Variants in BTBD3 observed in about 807,000 individuals in gnomAD.
The protein encoded by BTBD3 is BTB/POZ domain-containing protein 3.
Under a neutral mutation model 41.6 loss-of-function variants are expected in BTBD3, and 14 were observed. The ratio of observed to expected loss-of-function variants is 0.34; its 90% CI spans 0.22 to 0.53. The LOEUF is 0.53. BTBD3 is among the 20% of genes least tolerant of loss of function. The pLI, the probability that BTBD3 is intolerant of heterozygous loss-of-function variation, is 0.95. For missense variants in BTBD3, 426 were observed against 654.7 expected (o/e 0.65, Z 3.81); for synonymous variants, 249 against 233.7 (o/e 1.07, Z -0.60).
chr20:11,908,874 A>G (rs2056872366), intron 1 of BTBD3, among the ~76,000 whole-genome samples: 1 of 152,202 alleles, frequency 6.6e-6, no homozygotes, highest in Non-Finnish European at 1.5e-5. Context: ...GGTTATACCA[A>G]CATTTAAAGT....
At chr20:11,905,327 G>A (rs1220991176) in intron 1 of BTBD3, among the ~76,000 whole-genome samples, 3 of 150,396 alleles carry the variant, frequency 2.0e-5, no homozygotes, top group Non-Finnish European at 4.4e-5. Flanking sequence ...AACACAAATA[G>A]TTGTACACGT....
At chr20:11,892,783 A>G (rs896436468) in intron 1 of BTBD3, among the ~76,000 whole-genome samples, 4 of 152,098 alleles carry the variant, frequency 2.6e-5, no homozygotes, top group Admixed American at 6.6e-5. Context: ...TGTATGCACT[A>G]TTTCTCTAAA....
chr20:11,904,760 C>G (rs1033989866), intron 1 of BTBD3, among the ~76,000 whole-genome samples: 3 of 152,104 alleles, frequency 2.0e-5, no homozygotes, highest in African/African-American at 7.2e-5. Context: ...ATTTTAATAG[C>G]ATTTTCAGAT....
Position 11,919,190 on chromosome 20 carries a change from G to C in BTBD3, c.417+14G>C, listed in dbSNP as rs1476098680. Reference sequence around the variant, plus strand: ...CCAGGACACAAAGTAAGCAACAGCTGCATGACCGGTTTAGTCCTGACGTTT... The same window carrying C: ...CCAGGACACAAAGTAAGCAACAGCTCCATGACCGGTTTAGTCCTGACGTTT... On this transcript the variant is annotated intron_variant, in intron 2 of 3. Transcript: ENST00000378226. 1 of 1,610,012 alleles carries C rather than the reference G, an allele frequency of 6.2e-7. No individual in the cohort carries two copies.
At chr20:11,895,858 G>T (rs1379255159) in intron 1 of BTBD3, among the ~76,000 whole-genome samples, 1 of 152,132 alleles carries the variant, frequency 6.6e-6, no homozygotes, top group Non-Finnish European at 1.5e-5. Context: ...TCTCACTGTT[G>T]GTATAGCATT....
At chr20:11,918,765 C>T in intron 1 of BTBD3, 164 bp downstream of exon 1, 1 of 743,560 alleles carries the variant, frequency 1.3e-6, no homozygotes, top group East Asian at 2.8e-5. Context: ...AACAGTACAG[C>T]TGTTTTCCTC....
chr20:11,908,345 A>G (rs1412575485), intron 1 of BTBD3, among the ~76,000 whole-genome samples: 4 of 17,752 alleles, frequency 2.3e-4, no homozygotes, highest in Non-Finnish European at 5.2e-4. Context: ...TTTTTAAATA[A>G]GGTACTGACA....
At chr20:11,910,876 C>T (rs1039757577) in intron 1 of BTBD3, among the ~76,000 whole-genome samples, 2 of 152,156 alleles carry the variant, frequency 1.3e-5, no homozygotes, top group East Asian at 3.9e-4. Flanking sequence ...AGATATTCTA[C>T]CATATCAATG....
intron 1 of BTBD3, among the ~76,000 whole-genome samples, chr20:11,902,176 G>T (rs1023457570): frequency 6.6e-6 from 1 of 152,226 alleles, no homozygotes; most frequent in East Asian, 1.9e-4. Context: ...CATATTTTGT[G>T]TGTCGTATAT....
Position 11,922,847 on chromosome 20 carries a change from C to G in BTBD3, c.750C>G (p.Ala250=). Residue 250 remains alanine (A), a synonymous_variant, in exon 4 of 4, where the codon GCC becomes GCG. Transcript: ENST00000378226. ...AGCGTTGCTGGGAGGTGATTGATGCCCAGGCTGAGTTAGCTCTCAAGTCTG... is the reference window on the plus strand; with the variant it reads ...AGCGTTGCTGGGAGGTGATTGATGCGCAGGCTGAGTTAGCTCTCAAGTCTG... The part of the protein sequence containing the change: ...LTQRCWEVID[A]QAELALKSEG... 1 of 1,614,186 alleles carries G rather than the reference C, an allele frequency of 6.2e-7. No homozygotes were observed. The highest frequency in any genetic ancestry group is 8.5e-7 in the Non-Finnish European group (1 of 1,180,038).
intron 1 of BTBD3, among the ~76,000 whole-genome samples, chr20:11,898,031 A>C (rs1324941613): frequency 6.6e-6 from 1 of 152,014 alleles, no homozygotes; most frequent in Non-Finnish European, 1.5e-5. Flanking sequence ...GATGGCATGC[A>C]CCTGTAATTC....
intron 1 of BTBD3, chr20:11,909,782 A>G (rs1245049065): frequency 6.6e-6 from 1 of 152,308 alleles, no homozygotes; most frequent in Admixed American, 6.5e-5. Flanking sequence ...AAAACAAAAC[A>G]AAACAAAACA....
At chr20:11,894,377 T>A (rs1290414937) in intron 1 of BTBD3, among the ~76,000 whole-genome samples, 1 of 152,252 alleles carries the variant, frequency 6.6e-6, no homozygotes, top group African/African-American at 2.4e-5. Context: ...GCTTATGCCA[T>A]AACATTCCCT....
intron 1 of BTBD3, among the ~76,000 whole-genome samples, chr20:11,902,097 C>T (rs1051841576): frequency 6.6e-6 from 1 of 151,610 alleles, no homozygotes; most frequent in African/African-American, 2.4e-5. Flanking sequence ...ACTTTTGACT[C>T]ACAAAAACTT....
In BTBD3 at chr20:11,922,936, C is replaced by G. The variant is rs2122334485; in HGVS notation, c.839C>G (p.Ala280Gly). The change falls in exon 4 of 4, where the codon GCC becomes GGC. Residue 280 changes from alanine to glycine, a missense_variant. Around this residue, in one of 3 missense-constraint regions of BTBD3, gnomAD observed 321 missense variants for 534.8 expected, o/e 0.60. Coordinates refer to ENST00000378226, the MANE Select transcript of BTBD3 (RefSeq NM_014962.4). ...ATTCTCCGTAGGGAAACTCTGAATG[C>G]CAAAGAAATTGTGGTTTTTGAGGCA... ...ESILRRETLNAKEIVVFEAAL... is the reference protein window; with the variant it reads ...ESILRRETLNGKEIVVFEAAL... The G allele has an allele frequency of 6.2e-7, 1 of 1,614,196 alleles. No individual in the cohort carries two copies. Among genetic ancestry groups the G allele is most frequent in the Middle Eastern group, 1.6e-4 (1 of 6,062 alleles).
intron 1 of BTBD3, among the ~76,000 whole-genome samples, chr20:11,912,408 T>C (rs989905612): frequency 1.3e-5 from 2 of 152,182 alleles, no homozygotes; most frequent in Non-Finnish European, 2.9e-5. Context: ...ATTTGGACAT[T>C]GGGTGTGGAC....
chr20:11,906,287 C>T (rs13038150), intron 1 of BTBD3, among the ~76,000 whole-genome samples: 28,066 of 57,976 alleles, frequency 0.48, 5,056 homozygotes, highest in Middle Eastern at 0.57. Flanking sequence ...TTTTTTGAGA[C>T]GGAGTCTCGT....
chr20:11,906,838 A>C (rs2056857900), intron 1 of BTBD3, among the ~76,000 whole-genome samples: 1 of 152,168 alleles, frequency 6.6e-6, no homozygotes, highest in African/African-American at 2.4e-5. Flanking sequence ...ACTTTGTTTG[A>C]AGACTGGGTG....
intron 1 of BTBD3, among the ~76,000 whole-genome samples, chr20:11,907,051 A>AAT (rs1221117512): frequency 6.6e-6 from 1 of 152,192 alleles, no homozygotes; most frequent in African/African-American, 2.4e-5. Context: ...ACTATAAATA[A>AAT]ATATGCCAGG....
Sources: gnomAD v4.1 joint callset for allele counts (sites outside exome capture counted in the v4.1 genomes callset) on GRCh38, gnomAD v4.1.1 for gene constraint, gnomAD v4.1.1 regional missense constraint, MANE v1.5 for transcripts, NCBI Gene and HGNC (gene_info 2026-07-23, HGNC 2026-07-21) for gene names.